The following DNAH7 variants were observed in gnomAD, a reference collection of about 807,000 sequenced individuals.
The protein encoded by DNAH7 is axonemal beta dynein heavy chain 7.
A neutral mutation model predicts 444.6 loss-of-function variants in DNAH7; 397 were observed. That is an observed-to-expected ratio of 0.89 (90% CI 0.82 to 0.97). DNAH7 has a LOEUF of 0.97. DNAH7 is among the 50% of genes least tolerant of loss of function. The pLI is 0.00. For missense variants in DNAH7, 4,902 were observed against 4,800.8 expected, an observed-to-expected ratio of 1.02 and a Z score of -0.62; for synonymous variants, 1,636 against 1,624.4, an observed-to-expected ratio of 1.01 and a Z score of -0.17.
chr2:195,881,283 A>G (rs1701361173), intron 36 of DNAH7, among the ~76,000 whole-genome samples: 1 of 152,210 alleles, frequency 6.6e-6, no homozygotes, highest in Non-Finnish European at 1.5e-5. Context: ...ACAATCAAAG[A>G]GGGGCCCTCA....
intron 58 of DNAH7, 143 bp from the exon 59 acceptor site, chr2:195,778,128 T>C: frequency 4.1e-6 from 3 of 725,162 alleles, no homozygotes; most frequent in Non-Finnish European, 6.0e-6. Context: ...CCCTGCTAAT[T>C]GTTGCCATTT....
At chr2:195,848,460 A>G (rs1391430646) in intron 46 of DNAH7, among the ~76,000 whole-genome samples, 1 of 152,204 alleles carries the variant, frequency 6.6e-6, no homozygotes, top group Non-Finnish European at 1.5e-5. Context: ...GATGACACTA[A>G]TTTTTATCAC....
intron 24 of DNAH7, among the ~76,000 whole-genome samples, chr2:195,913,325 A>C (rs1032162163): frequency 2.0e-5 from 3 of 152,190 alleles, no homozygotes; most frequent in African/African-American, 7.2e-5. Context: ...TATTAAGCAA[A>C]ATAGGCATTC....
Position 195,972,439 on chromosome 2 carries a change from C to T in DNAH7, c.1861G>A (p.Asp621Asn). The change falls in exon 16 of 65, where the codon GAT becomes AAT. Residue 621 changes from aspartate to asparagine, a missense_variant. Physicochemically the swap from Asp to Asn is conservative, Grantham distance 23. Coordinates refer to ENST00000312428, the MANE Select transcript of DNAH7 (RefSeq NM_018897.3). ...AATCTCTGTTCTAGTTCAATCATATCAGTTACCTCCACTTTCTGAATGTAA... is the reference window on the plus strand; with the variant it reads ...AATCTCTGTTCTAGTTCAATCATATTAGTTACCTCCACTTTCTGAATGTAA... Reference protein sequence around the residue: ...KAYIQKVEVTDMIELEQRLVD... With the variant: ...KAYIQKVEVTNMIELEQRLVD... The T allele has an allele frequency of 6.2e-7, 1 of 1,614,032 alleles. No homozygotes were observed. Among genetic ancestry groups the T allele is most frequent in the South Asian group, 1.1e-5 (1 of 91,060 alleles).
chr2:195,960,015 T>A (rs1690971061), intron 18 of DNAH7, among the ~76,000 whole-genome samples: 1 of 152,224 alleles, frequency 6.6e-6, no homozygotes, highest in African/African-American at 2.4e-5. Context: ...ACCATTAAGA[T>A]GATAGCAAAG....
At chr2:195,760,576 A>C (rs1470581356) in intron 61 of DNAH7, among the ~76,000 whole-genome samples, 1 of 152,078 alleles carries the variant, frequency 6.6e-6, no homozygotes, top group Non-Finnish European at 1.5e-5. Context: ...CTCAGCAGAG[A>C]GAGAGAGAGT....
intron 54 of DNAH7, among the ~76,000 whole-genome samples, chr2:195,801,198 G>A (rs977546677): frequency 6.6e-6 from 1 of 152,192 alleles, no homozygotes; most frequent in Non-Finnish European, 1.5e-5. Flanking sequence ...GCCTTAGGTT[G>A]TCTGTTACAG....
At chr2:196,021,271 G>C (rs566019630) in intron 8 of DNAH7, among the ~76,000 whole-genome samples, 1 of 152,124 alleles carries the variant, frequency 6.6e-6, no homozygotes, top group African/African-American at 2.4e-5. Flanking sequence ...TCTATGTCTA[G>C]TCATCTACCT....
At chr2:195,786,117 T>A (rs1695610160) in intron 58 of DNAH7, among the ~76,000 whole-genome samples, 1 of 152,200 alleles carries the variant, frequency 6.6e-6, no homozygotes, top group Non-Finnish European at 1.5e-5. Context: ...AGATACACCA[T>A]CTGAACTCTC....
At chr2:195,785,004 C>T (rs1206097634) in intron 58 of DNAH7, among the ~76,000 whole-genome samples, 5 of 151,640 alleles carry the variant, frequency 3.3e-5, no homozygotes, top group African/African-American at 7.3e-5. Context: ...CTCCGCCTCC[C>T]GGTTTCACGC....
chr2:195,984,489 A>T, intron 15 of DNAH7, 143 bp downstream of exon 15: 1 of 752,782 alleles, frequency 1.3e-6, no homozygotes, highest in South Asian at 2.0e-5. Flanking sequence ...CTGGGACTAC[A>T]GGCGCATGCC....
chr2:195,990,659 GA>G (rs200851943), intron 12 of DNAH7, among the ~76,000 whole-genome samples: 6 of 149,076 alleles, frequency 4.0e-5, no homozygotes, highest in Admixed American at 1.3e-4. Flanking sequence ...ACCCTGTCTC[GA>G]AAAAAAAAGT....
chr2:195,872,919 A>T (rs1011742538), intron 39 of DNAH7, among the ~76,000 whole-genome samples: 2 of 151,578 alleles, frequency 1.3e-5, no homozygotes, highest in Non-Finnish European at 2.9e-5. Flanking sequence ...TACGTAAAAA[A>T]AATAAGGAAA....
chr2:195,867,362 A>G (rs1700405271), intron 40 of DNAH7, among the ~76,000 whole-genome samples: 1 of 152,254 alleles, frequency 6.6e-6, no homozygotes, highest in Non-Finnish European at 1.5e-5. Flanking sequence ...TGCAAAGGAT[A>G]TAATTTCTGG....
chr2:196,001,991 T>C (rs778776355), intron 10 of DNAH7, 133 bp from the exon 11 acceptor site: 12 of 589,256 alleles, frequency 2.0e-5, no homozygotes, highest in Non-Finnish European at 2.9e-5. Context: ...TATTACCCAC[T>C]CTCCGAAATG....
intron 17 of DNAH7, among the ~76,000 whole-genome samples, chr2:195,964,657 G>C (rs1182308973): frequency 6.8e-6 from 1 of 147,372 alleles, no homozygotes; most frequent in African/African-American, 2.5e-5. Context: ...ACGAGGTCAG[G>C]AGTTCGAGAC....
intron 22 of DNAH7, 68 bp downstream of exon 22, chr2:195,926,358 A>G: frequency 7.8e-7 from 1 of 1,275,736 alleles, no homozygotes; most frequent in Non-Finnish European, 1.0e-6. Context: ...TTTTTAAAAT[A>G]AGTGTATTCT....
chr2:195,859,166 C>A (rs1370301826), intron 42 of DNAH7, among the ~76,000 whole-genome samples: 1 of 152,198 alleles, frequency 6.6e-6, no homozygotes, highest in Non-Finnish European at 1.5e-5. Flanking sequence ...ACTACTGCTG[C>A]TTTAAACCTT....
At chr2:195,744,120 G>A (rs1048964571) in intron 63 of DNAH7, among the ~76,000 whole-genome samples, 5 of 152,244 alleles carry the variant, frequency 3.3e-5, no homozygotes, top group Non-Finnish European at 5.9e-5. Context: ...CAAAGAAAGG[G>A]GTGACAGACA....
Sources: allele counts gnomAD v4.1 joint callset (sites outside exome capture counted in the v4.1 genomes callset), GRCh38; gene constraint gnomAD v4.1.1; transcripts MANE v1.5; gene names NCBI Gene and HGNC (gene_info 2026-07-23, HGNC 2026-07-21).